The following RBFOX3 variants were observed in gnomAD, a reference collection of about 807,000 sequenced individuals.
RBFOX3 encodes RNA binding fox-1 homolog 3, also known as RNA binding protein fox-1 homolog 3.
A neutral mutation model predicts 48.7 loss-of-function variants in RBFOX3; 17 were observed. The observed-to-expected ratio is 0.35, with a 90% CI of 0.24 to 0.52. RBFOX3 has a LOEUF of 0.52. RBFOX3 is among the 20% of genes least tolerant of loss of function. RBFOX3 has a pLI of 0.94. For missense variants in RBFOX3, 382 were observed against 497.5 expected (o/e 0.77, Z 2.21); for synonymous variants, 212 against 209.5 (o/e 1.01, Z -0.10).
intron 4 of RBFOX3, among the ~76,000 whole-genome samples, chr17:79,160,109 G>A (rs565491227): frequency 1.3e-3 from 192 of 152,362 alleles, no homozygotes; most frequent in Non-Finnish European, 2.1e-3. Context: ...GCCTAGCTCC[G>A]GCCCCGGGGG....
intron 4 of RBFOX3, among the ~76,000 whole-genome samples, chr17:79,202,016 G>T (rs2056831840): frequency 6.6e-6 from 1 of 152,168 alleles, no homozygotes; most frequent in Admixed American, 6.5e-5. Flanking sequence ...TTCACTCACA[G>T]CTGTCACAGT....
At chr17:79,620,505 ATG>A in the RBFOX3 span, among the ~76,000 whole-genome samples, 5 of 145,438 alleles carry the variant, frequency 3.4e-5, 1 homozygote, top group African/African-American at 1.3e-4. Context: ...GCGCACACAC[ATG>A]CGCATACGTG....
intron 3 of RBFOX3, among the ~76,000 whole-genome samples, chr17:79,285,225 T>C (rs4789995): frequency 0.85 from 129,269 of 152,246 alleles, 54,994 homozygotes; most frequent in East Asian, 0.99. Flanking sequence ...TGAGAAGCTG[T>C]CAGTGGCGCT....
Position 79,574,276 on chromosome 17 carries a change from C to T in RBFOX3, c.-320+36550G>A, listed in dbSNP as rs1041583414. Among the ~76,000 whole-genome samples, 48 of 152,252 alleles carry T rather than the reference C, an allele frequency of 3.2e-4. No homozygotes were observed. The East Asian group carries it at 8.7e-3, about 28-fold the overall frequency. ...GGCTGAGGCCTGCTGGACTGCATTCCCTGGACATTAAGGCATTCTTAGTCA... is the reference window on the plus strand; with the variant it reads ...GGCTGAGGCCTGCTGGACTGCATTCTCTGGACATTAAGGCATTCTTAGTCA... On this transcript the variant is annotated intron_variant, in intron 1 of 14. Coordinates refer to ENST00000693108, the MANE Select transcript of RBFOX3 (RefSeq NM_001350451.2).
At chr17:79,166,267 C>T (rs11869312) in intron 4 of RBFOX3, among the ~76,000 whole-genome samples, 20,022 of 152,212 alleles carry the variant, frequency 0.13, 2,063 homozygotes, top group African/African-American at 0.28. Context: ...CCAGCGCAGC[C>T]TCCCGTGGGA....
chr17:79,255,005 G>A (rs1243591823), intron 3 of RBFOX3, among the ~76,000 whole-genome samples: 1 of 152,156 alleles, frequency 6.6e-6, no homozygotes, highest in African/African-American at 2.4e-5. Flanking sequence ...AGAGCGGAGG[G>A]CAGGCAGCTT....
At chr17:79,330,456 GT>G (rs11299996) in intron 2 of RBFOX3, among the ~76,000 whole-genome samples, 125,622 of 151,976 alleles carry the variant, frequency 0.83, 52,019 homozygotes, top group Admixed American at 0.87. Flanking sequence ...ACCTGTTGTG[GT>G]TTTTTTTCTT....
chr17:79,244,699 T>TTCCCTTC (rs1555626020), intron 3 of RBFOX3, among the ~76,000 whole-genome samples: 7,963 of 150,802 alleles, frequency 0.053, 234 homozygotes, highest in African/African-American at 0.079. Flanking sequence ...TCCTAGAGCC[T>TTCCCTTC]TCCCTTCCCT....
chr17:79,206,379 C>A (rs1367192810), intron 4 of RBFOX3, among the ~76,000 whole-genome samples: 1 of 152,138 alleles, frequency 6.6e-6, no homozygotes, highest in Non-Finnish European at 1.5e-5. Flanking sequence ...TGACATCATC[C>A]CAGTGGTGCC....
At chr17:79,308,304 T>C (rs1442389254) in intron 2 of RBFOX3, among the ~76,000 whole-genome samples, 4 of 152,206 alleles carry the variant, frequency 2.6e-5, no homozygotes, top group Non-Finnish European at 5.9e-5. Flanking sequence ...CGGCGTGGGT[T>C]GAGCAGCCCT....
intron 12 of RBFOX3, among the ~76,000 whole-genome samples, chr17:79,095,929 G>C (rs56203833): frequency 6.6e-5 from 10 of 152,106 alleles, no homozygotes; most frequent in Non-Finnish European, 1.5e-5. Context: ...GCCTTGGCAA[G>C]GAAGAGGTGC....
chr17:79,558,314 A>G (rs1194085789), intron 1 of RBFOX3, among the ~76,000 whole-genome samples: 4 of 152,210 alleles, frequency 2.6e-5, no homozygotes, highest in African/African-American at 9.7e-5. Context: ...TTGCTAACAC[A>G]GAGAGAGTGA....
chr17:79,215,262 C>G (rs953256410), intron 4 of RBFOX3, among the ~76,000 whole-genome samples: 1 of 151,970 alleles, frequency 6.6e-6, no homozygotes, highest in African/African-American at 2.4e-5. Context: ...AGCCCAGCAA[C>G]GCTGAGGCTG....
At chr17:79,525,411 T>C (rs2086664047) in intron 1 of RBFOX3, among the ~76,000 whole-genome samples, 1 of 152,198 alleles carries the variant, frequency 6.6e-6, no homozygotes, top group East Asian at 1.9e-4. Context: ...CTTGTACTCA[T>C]TACATGGAGT....
chr17:79,464,530 G>A (rs2076063040), intron 2 of RBFOX3, among the ~76,000 whole-genome samples: 1 of 152,342 alleles, frequency 6.6e-6, no homozygotes, highest in African/African-American at 2.4e-5. Flanking sequence ...GCAGACATCT[G>A]CCTGCTGGAG....
At chr17:79,095,099 A>G (rs1049904293) in intron 13 of RBFOX3, among the ~76,000 whole-genome samples, 1 of 152,136 alleles carries the variant, frequency 6.6e-6, no homozygotes, top group African/African-American at 2.4e-5. Flanking sequence ...GGGAGGGGGT[A>G]CAAGCGGTCC....
At chr17:79,274,141 C>A (rs2068273735) in intron 3 of RBFOX3, among the ~76,000 whole-genome samples, 2 of 152,082 alleles carry the variant, frequency 1.3e-5, no homozygotes, top group Admixed American at 1.3e-4. Context: ...CAGTGTCCAC[C>A]TGTCTGGGCA....
At position 79,103,388 on chromosome 17, in the gene RBFOX3, T is replaced by C. The variant is rs1434200089; in HGVS notation, c.415-134A>G. ...GAGAGAGAGAAGGGGTTGAGTCAGG[T>C]GAGTTGAGGCAGAGACGCAGGCAGC... On this transcript the variant is annotated intron_variant, in intron 7 of 14. Transcript: ENST00000693108. The surrounding 1 kb of genome is among the most constrained non-coding windows in gnomAD (Gnocchi z 6.1). The C allele has an allele frequency of 5.9e-6, 4 of 674,922 alleles. No homozygotes were observed. In the Admixed American group the frequency reaches 8.7e-5, roughly 15 times the overall value. 41.8% of individuals were successfully genotyped at this position (674,922 alleles called of 1,614,324 possible).
intron 1 of RBFOX3, among the ~76,000 whole-genome samples, chr17:79,507,525 G>T (rs974569018): frequency 6.6e-6 from 1 of 152,084 alleles, no homozygotes; most frequent in Non-Finnish European, 1.5e-5. Flanking sequence ...ACGGGGAAGG[G>T]TGGGCAGTCC....
Sources: allele counts gnomAD v4.1 joint callset (sites outside exome capture counted in the v4.1 genomes callset), GRCh38; gene constraint gnomAD v4.1.1; non-coding constraint Gnocchi (gnomAD v3.1); transcripts MANE v1.5; gene names NCBI Gene and HGNC (gene_info 2026-07-23, HGNC 2026-07-21).